ABLIM2: variants seen among roughly 807,000 people sequenced by gnomAD.
The protein encoded by ABLIM2 is actin binding LIM protein family member 2, also known as actin-binding LIM protein 2.
In ABLIM2, 53 loss-of-function variants were observed where a neutral mutation model predicts 97.7. That is an observed-to-expected ratio of 0.54 (90% CI 0.44 to 0.68). The LOEUF is 0.68. Among genes scored for constraint, ABLIM2 ranks in the 30% least tolerant of loss-of-function variants. The pLI is 0.00. For synonymous variants in ABLIM2, 361 were observed against 345.8 expected (o/e 1.04, Z -0.49); for missense variants, 835 against 867.2 (o/e 0.96, Z 0.47).
chr4:8,113,818 C>T lies in ABLIM2; in HGVS notation c.11-7181G>A, dbSNP rs1270127272. Among the ~76,000 whole-genome samples, 1 of 152,236 alleles carries T rather than the reference C, an allele frequency of 6.6e-6. No individual in the cohort carries two copies. The highest frequency in any genetic ancestry group is 1.5e-5 in the Non-Finnish European group (1 of 68,042). ...CACATGAACTCCAGAGGTCCCGGCT[C>T]ACCCAGAGCGGGTCACAGGACACAC... On this transcript the variant is annotated intron_variant, in intron 1 of 20. Coordinates refer to ENST00000447017, the MANE Select transcript of ABLIM2 (RefSeq NM_001130083.2). This position sits in a 1 kb window ranked among gnomAD's most constrained non-coding sequence, Gnocchi z 4.5.
intron 10 of ABLIM2, among the ~76,000 whole-genome samples, chr4:8,035,647 ACGCC>A: frequency 6.6e-6 from 1 of 152,226 alleles, no homozygotes; most frequent in East Asian, 1.9e-4. Context: ...AGGAGTAGGA[ACGCC>A]GTCCACAGGC....
chr4:8,108,274 CG>C (rs1206491876), intron 1 of ABLIM2, among the ~76,000 whole-genome samples: 4 of 152,252 alleles, frequency 2.6e-5, no homozygotes, highest in Admixed American at 1.3e-4. Context: ...CAAGGACCAC[CG>C]CAGTGCGGCA....
chr4:8,151,172 A>C (rs1397238883), intron 1 of ABLIM2, among the ~76,000 whole-genome samples: 1 of 152,166 alleles, frequency 6.6e-6, no homozygotes, highest in Non-Finnish European at 1.5e-5. Flanking sequence ...AGGTGTGCCC[A>C]GCCCCAAAGC....
rs1345004290 is a variant in ABLIM2 at position 8,091,346 on chromosome 4, TATATA to T, written c.339-3067_339-3063del. Among the ~76,000 whole-genome samples the T allele has an allele frequency of 2.2e-3, 62 of 28,186 alleles. 5 individuals are homozygous for T. The highest frequency in any genetic ancestry group is 2.9e-3 in the Non-Finnish European group (46 of 15,678). 18.5% of individuals were successfully genotyped at this position (28,186 alleles called of 152,430 possible). The stretch of plus-strand genomic sequence containing the variant: ...ATATATATATTATATATATAATATA[TATATA>T]ATTATATATATATTATATTACATAT... On this transcript the variant is annotated intron_variant, in intron 3 of 20. Transcript: ENST00000447017.
chr4:8,130,210 C>A lies in ABLIM2; in HGVS notation c.11-23573G>T, dbSNP rs147746719. ...CAGCAGGTACTGATGGCTCACAGGG[C>A]CAGGGATGGAGACGCAGGGTGGCCA... On this transcript the variant is annotated intron_variant, in intron 1 of 20. Transcript: ENST00000447017. This position sits in a 1 kb window ranked among gnomAD's most constrained non-coding sequence, Gnocchi z 4.2. Among the ~76,000 whole-genome samples the A allele has an allele frequency of 9.2e-5, 14 of 152,332 alleles. No individual in the cohort carries two copies. The highest frequency in any genetic ancestry group is 3.4e-4 in the African/African-American group (14 of 41,574).
rs1841257363 is a variant in ABLIM2 at position 8,113,294 on chromosome 4, T to C, written c.11-6657A>G. Reference sequence around the variant, plus strand: ...ATTTTTTGTAGACACGGGATGTCGCTATCTTGCTCAGGCTGGTCTCACACT... The same window carrying C: ...ATTTTTTGTAGACACGGGATGTCGCCATCTTGCTCAGGCTGGTCTCACACT... On this transcript the variant is annotated intron_variant, in intron 1 of 20. Transcript: ENST00000447017. The surrounding 1 kb of genome is among the most constrained non-coding windows in gnomAD (Gnocchi z 4.5). Among the ~76,000 whole-genome samples, 1 of 152,120 alleles carries C rather than the reference T, an allele frequency of 6.6e-6. No homozygotes were observed. Among genetic ancestry groups the C allele is most frequent in the Non-Finnish European group, 1.5e-5 (1 of 68,016 alleles).
At chr4:8,063,251 A>G (rs1032918434) in intron 6 of ABLIM2, among the ~76,000 whole-genome samples, 26 of 152,172 alleles carry the variant, frequency 1.7e-4, no homozygotes, top group Non-Finnish European at 2.4e-4. Flanking sequence ...TTTTTAGTAG[A>G]GATGGGGTTT....
chr4:8,044,430 A>G lies in ABLIM2; in HGVS notation c.900+734T>C, dbSNP rs942416630. Reference sequence around the variant, plus strand: ...AGCAATATTAGCAAACATTAAATACAATATTAAATATTAAATTTACATATA... The same window carrying G: ...AGCAATATTAGCAAACATTAAATACGATATTAAATATTAAATTTACATATA... On this transcript the variant is annotated intron_variant, in intron 9 of 20. Transcript: ENST00000447017. The surrounding 1 kb of genome is among the most constrained non-coding windows in gnomAD (Gnocchi z 4.4). Among the ~76,000 whole-genome samples the G allele has an allele frequency of 1.3e-5, 2 of 152,020 alleles. No homozygotes were observed. Among genetic ancestry groups the G allele is most frequent in the African/African-American group, 4.8e-5 (2 of 41,392 alleles).
rs558744468 is a variant in ABLIM2 at position 8,008,786 on chromosome 4, A to T, written c.1476+264T>A. 1.3e-4 allele frequency among the ~76,000 whole-genome samples: 20 copies of T among 152,230 alleles called. No homozygotes were observed. In the South Asian group the frequency reaches 3.7e-3, roughly 28 times the overall value. On this transcript the variant is annotated intron_variant, in intron 15 of 20. Transcript: ENST00000447017. ...ATGCCCCAGGGATGCACTTTGATTTATTTCCCTTTCACGGTACACATCTCT... is the reference window on the plus strand; with the variant it reads ...ATGCCCCAGGGATGCACTTTGATTTTTTTCCCTTTCACGGTACACATCTCT...
chr4:8,066,679 A>G (rs1808021733), intron 6 of ABLIM2: 4 of 152,186 alleles, frequency 2.6e-5, no homozygotes, highest in Admixed American at 2.0e-4. Flanking sequence ...TTCCTTCACT[A>G]TGGAAAATCC....
intron 2 of ABLIM2, among the ~76,000 whole-genome samples, chr4:8,098,276 C>A (rs1832727906): frequency 6.6e-6 from 1 of 152,212 alleles, no homozygotes. Context: ...TTACAGCCAC[C>A]AAGGAAGGGC....
intron 14 of ABLIM2, among the ~76,000 whole-genome samples, chr4:8,009,527 C>G (rs2150452870): frequency 6.6e-6 from 1 of 152,230 alleles, no homozygotes; most frequent in African/African-American, 2.4e-5. Context: ...CACCCGGTAG[C>G]TGGGATTACA....
chr4:8,116,994 C>A (rs538613097), intron 1 of ABLIM2, among the ~76,000 whole-genome samples: 1 of 152,196 alleles, frequency 6.6e-6, no homozygotes, highest in Admixed American at 6.5e-5. Context: ...GACTCAGTGG[C>A]GACGCCTGGT....
In ABLIM2 at chr4:8,106,712, A is replaced by G. The variant is rs1837603319; in HGVS notation, c.11-75T>C. The G allele has an allele frequency of 4.0e-6, 6 of 1,505,700 alleles. No homozygotes were observed. The South Asian group carries it at 7.9e-5, about 20-fold the overall frequency. The allele number at this position is 1,505,700 out of a possible 1,614,324, so 93.3% of individuals were successfully genotyped here. On this transcript the variant is annotated intron_variant, in intron 1 of 20. Transcript: ENST00000447017. The stretch of plus-strand genomic sequence containing the variant: ...CAAAGGTGAGCAAAGCAGGCGTGTG[A>G]GGACGCACAGCTGACCCTGCCAGCG...
intron 18 of ABLIM2, among the ~76,000 whole-genome samples, chr4:7,984,489 G>A (rs1028748321): frequency 5.9e-5 from 9 of 152,262 alleles, no homozygotes; most frequent in African/African-American, 2.2e-4. Context: ...CACACGGGGA[G>A]CAAGGCGCAG....
rs1268798021 is a variant in ABLIM2 at position 7,986,425 on chromosome 4, G to A, written c.1681-1532C>T. On this transcript the variant is annotated intron_variant, in intron 17 of 20. Coordinates refer to ENST00000447017, the MANE Select transcript of ABLIM2 (RefSeq NM_001130083.2). The surrounding 1 kb of genome is among the most constrained non-coding windows in gnomAD (Gnocchi z 4.3). ...GTCAGAGGGCTAGAGTCAGGCTCAC[G>A]AGTGGGGTAAGCACCCAGGCAGAGG... Among the ~76,000 whole-genome samples the A allele has an allele frequency of 6.6e-6, 1 of 152,194 alleles. No homozygotes were observed. Among genetic ancestry groups the A allele is most frequent in the Non-Finnish European group, 1.5e-5 (1 of 68,034 alleles).
chr4:8,109,547 T>C (rs1009562819), intron 1 of ABLIM2, among the ~76,000 whole-genome samples: 1 of 151,994 alleles, frequency 6.6e-6, no homozygotes, highest in Non-Finnish European at 1.5e-5. Context: ...GAACCCCACA[T>C]CCCGGAAGCC....
chr4:8,062,344 C>A (rs1424814070), intron 6 of ABLIM2, among the ~76,000 whole-genome samples: 6 of 152,210 alleles, frequency 3.9e-5, no homozygotes, highest in Admixed American at 3.9e-4. Context: ...CTCTGGATAG[C>A]AGGTCACACC....
At chr4:8,037,339 G>GGC (rs35095912) in intron 9 of ABLIM2, among the ~76,000 whole-genome samples, 11,342 of 109,874 alleles carry the variant, frequency 0.1, 632 homozygotes, top group East Asian at 0.37. Flanking sequence ...CACACATGCA[G>GGC]GCACACACAC....
Sources: gnomAD v4.1 joint callset for allele counts (sites outside exome capture counted in the v4.1 genomes callset) on GRCh38, gnomAD v4.1.1 for gene constraint, Gnocchi (gnomAD v3.1) non-coding constraint, MANE v1.5 for transcripts, NCBI Gene and HGNC (gene_info 2026-07-23, HGNC 2026-07-21) for gene names.